Variants in PCSK4 observed in about 807,000 individuals in gnomAD.
PCSK4 encodes the protein testicular tissue protein Li 135.
In PCSK4, 64 loss-of-function variants were observed where a neutral mutation model predicts 80.3. That is an observed-to-expected ratio of 0.80 (90% CI 0.65 to 0.98). PCSK4 has a LOEUF of 0.98. PCSK4 is among the 50% of genes least tolerant of loss of function. The pLI is 0.00. For synonymous variants in PCSK4, 561 were observed against 487.6 expected (o/e 1.15, Z -1.98); for missense variants, 1,213 against 1,093.6 (o/e 1.11, Z -1.54).
intron 8 of PCSK4, 34 bp downstream of exon 8, chr19:1,486,819 G>T (rs1309019932): frequency 6.5e-7 from 1 of 1,543,382 alleles, no homozygotes; most frequent in Admixed American, 1.8e-5. Context: ...GGCAGGGCCT[G>T]GGGAGGGGAC....
At chr19:1,484,075 G>C (rs1380177981) in exon 9 of PCSK4, 8 of 1,565,884 alleles carry the variant, frequency 5.1e-6, no homozygotes, top group Non-Finnish European at 8.6e-7. Context: ...TGGGGCTGAG[G>C]CCGAGGTGCC....
exon 5 of PCSK4, chr19:1,487,821 T>C: frequency 6.4e-7 from 1 of 1,570,146 alleles, no homozygotes; most frequent in Non-Finnish European, 8.6e-7. Flanking sequence ...GGGCTGGGGG[T>C]CCGGGTCGTA....
At position 1,488,177 on chromosome 19, in the gene PCSK4, T is replaced by C. The variant is rs1238775367; in HGVS notation, c.387+11A>G. 7 of 1,613,434 alleles carry C rather than the reference T, an allele frequency of 4.3e-6. No individual in the cohort carries two copies. The African/African-American group carries it at 6.7e-5, about 15-fold the overall frequency. On this transcript the variant is annotated intron_variant, in intron 3 of 14. Transcript: ENST00000300954. The stretch of plus-strand genomic sequence containing the variant: ...CCCGTCCCCGTCTACCCACCCTGGC[T>C]GCCTGCTCACCATGTACCACTGCTT...
chr19:1,482,302 C>T (rs753880055), intron 14 of PCSK4, 51 bp downstream of exon 14: 42 of 1,532,722 alleles, frequency 2.7e-5, no homozygotes, highest in Middle Eastern at 4.6e-4. Context: ...ACGCTGCCCA[C>T]GGTGGCCGCC....
chr19:1,483,241 G>C (rs569890173), intron 12 of PCSK4, 43 bp downstream of exon 12: 10 of 1,487,346 alleles, frequency 6.7e-6, no homozygotes, highest in Non-Finnish European at 9.0e-6. Flanking sequence ...AGCGTTTACC[G>C]ACAGGGCATG....
rs762498128 is a variant in PCSK4 at position 1,482,141 on chromosome 19, T to C, written c.1886A>G (p.Asn629Ser). 1.0e-4 allele frequency: 163 copies of C among 1,558,672 alleles called. No homozygotes were observed. The highest frequency in any genetic ancestry group is 1.4e-4 in the African/African-American group (10 of 73,714). Residue 629 changes from asparagine to serine, a missense_variant, in exon 15 of 15, where the codon AAC (asparagine) becomes AGC (serine). Physicochemically the swap from Asn to Ser is conservative, Grantham distance 46. Transcript: ENST00000300954. ...CCCAGCGGTCACCAGCCTTGTGTGG[T>C]TGAAGAACCGCGGGGGGCAGTAGGC...
intron 8 of PCSK4, among the ~76,000 whole-genome samples, chr19:1,484,633 C>T (rs1192887448): frequency 6.6e-6 from 1 of 151,600 alleles, no homozygotes; most frequent in Non-Finnish European, 1.5e-5. Flanking sequence ...GCCTGGTCAA[C>T]ACCTTGTCTC....
intron 8 of PCSK4, among the ~76,000 whole-genome samples, chr19:1,486,139 AT>A (rs1301916358): frequency 7.3e-6 from 1 of 137,900 alleles, no homozygotes. Context: ...TGCCTGGCTA[AT>A]TTTTTTTTGT....
At chr19:1,490,088 C>T in intron 1 of PCSK4, 70 bp downstream of exon 1, 2 of 1,577,920 alleles carry the variant, frequency 1.3e-6, no homozygotes, top group Admixed American at 1.8e-5. Flanking sequence ...GCTCCCTCCC[C>T]CTTGTCGGGG....
chr19:1,487,585 C>G lies in PCSK4; in HGVS notation c.682+18G>C, dbSNP rs1249177249. The G allele has an allele frequency of 1.3e-6, 2 of 1,544,630 alleles. No individual in the cohort carries two copies. The highest frequency in any genetic ancestry group is 1.4e-5 in the African/African-American group (1 of 73,012). ...CCCTCTCTGTCCCGGAATGGTGCCG[C>G]TGGGGGACCCCGGGTACCTCCGATT... On this transcript the variant is annotated intron_variant, in intron 6 of 14. Transcript: ENST00000300954.
intron 8 of PCSK4, among the ~76,000 whole-genome samples, chr19:1,485,924 G>A (rs1449012260): frequency 2.0e-5 from 3 of 151,944 alleles, no homozygotes; most frequent in Admixed American, 6.6e-5. Flanking sequence ...TCCCACTTTG[G>A]CCTCCCAAAG....
In PCSK4 at chr19:1,483,999, C is replaced by T. The variant is rs367764794; in HGVS notation, c.1169+28G>A. ...GCCGGGCCGCGCCTGGGGGCGAGGG[C>T]GGTGGACCGGGCCCCGCAGTCACCT... On this transcript the variant is annotated intron_variant, in intron 9 of 14. Transcript: ENST00000300954. 1,848 of 1,504,980 alleles carry T rather than the reference C, an allele frequency of 1.2e-3. 6 individuals carry two copies. The highest frequency in any genetic ancestry group is 2.1e-3 in the South Asian group (174 of 82,528). 93.2% of individuals were successfully genotyped at this position (1,504,980 alleles called of 1,614,324 possible).
chr19:1,489,010 C>A (rs1372788825), intron 2 of PCSK4, among the ~76,000 whole-genome samples: 8 of 152,192 alleles, frequency 5.3e-5, no homozygotes, highest in South Asian at 2.1e-4. Flanking sequence ...TCCATCCCAA[C>A]CCCTCAGCTT....
chr19:1,486,877 G>T, exon 8 of PCSK4: 1 of 1,599,016 alleles, frequency 6.3e-7, no homozygotes. Context: ...TGGCCACGCC[G>T]CTGCTGTAGG....
intron 4 of PCSK4, 49 bp from the exon 5 acceptor site, chr19:1,487,910 G>T: frequency 6.3e-7 from 1 of 1,581,582 alleles, no homozygotes; most frequent in Non-Finnish European, 8.6e-7. Flanking sequence ...CCCTAGGGTG[G>T]TGCCAGCCTC....
chr19:1,490,582 T>G (rs1019392944), upstream of PCSK4: 1 of 477,288 alleles, frequency 2.1e-6, no homozygotes, highest in Non-Finnish European at 3.7e-6. Flanking sequence ...GTTTTCCCAT[T>G]TGTACAACGA....
In PCSK4 at chr19:1,483,630, G is replaced by C; in HGVS notation, c.1391+20C>G. 1 of 1,545,792 alleles carries C rather than the reference G, an allele frequency of 6.5e-7. No homozygotes were observed. The highest frequency in any genetic ancestry group is 1.8e-5 in the Admixed American group (1 of 56,418). On this transcript the variant is annotated intron_variant, in intron 11 of 14. Coordinates refer to ENST00000300954, the Ensembl canonical transcript of PCSK4. ...CCACACCCCCAGCGGGGATAGCGGA[G>C]GGGCGCGCAGGGGTCTCACGTGGGG...
chr19:1,489,565 G>A (rs2084828648), intron 2 of PCSK4: 2 of 672,560 alleles, frequency 3.0e-6, no homozygotes, highest in African/African-American at 3.7e-5. Context: ...AGGAGGGAGG[G>A]GGAGGACAAG....
In PCSK4 at chr19:1,482,151, G is replaced by A. The variant is rs751271385; in HGVS notation, c.1876C>T (p.Arg626Trp). 1.4e-4 allele frequency: 219 copies of A among 1,559,262 alleles called. No homozygotes were observed. The highest frequency in any genetic ancestry group is 7.6e-4 in the Admixed American group (42 of 54,938). ...ACCAGCCTTGTGTGGTTGAAGAACC[G>A]CGGGGGGCAGTAGGCCAGGCAGAGC... Residue 626 changes from arginine to tryptophan, a missense_variant, in exon 15 of 15, where the codon CGG becomes TGG. By Grantham distance (101) the Arg-to-Trp change is moderately radical (BLOSUM62 -3). Coordinates refer to ENST00000300954, the Ensembl canonical transcript of PCSK4.
Sources: gnomAD v4.1 joint callset for allele counts (sites outside exome capture counted in the v4.1 genomes callset) on GRCh38, gnomAD v4.1.1 for gene constraint, MANE v1.5 for transcripts, NCBI Gene and HGNC (gene_info 2026-07-23, HGNC 2026-07-21) for gene names.